The following CCSER1 variants were observed in gnomAD, a reference collection of about 807,000 sequenced individuals.
CCSER1 encodes serine-rich coiled-coil domain-containing protein 1.
Under a neutral mutation model 82.0 loss-of-function variants are expected in CCSER1, and 41 were observed. The ratio of observed to expected loss-of-function variants is 0.50; its 90% confidence interval spans 0.39 to 0.65. The LOEUF (loss-of-function observed/expected upper bound fraction) is 0.65. CCSER1 is among the 30% of genes least tolerant of loss of function. The pLI, the probability that CCSER1 is intolerant of heterozygous loss-of-function variation, is 0.00. For missense variants in CCSER1, 1,119 were observed against 1,064.2 expected, an observed-to-expected ratio of 1.05 and a Z score of -0.72; for synonymous variants, 414 against 383.9, an observed-to-expected ratio of 1.08 and a Z score of -0.92.
intron 9 of CCSER1, among the ~76,000 whole-genome samples, chr4:91,019,266 G>A (rs138160579): frequency 2.0e-5 from 3 of 151,696 alleles, no homozygotes; most frequent in African/African-American, 7.2e-5. Context: ...ATTTTGGACT[G>A]TCTCTCTCAT....
chr4:90,898,324 C>G (rs1263388097), intron 8 of CCSER1, among the ~76,000 whole-genome samples: 3 of 121,860 alleles, frequency 2.5e-5, no homozygotes, highest in Non-Finnish European at 5.1e-5. Context: ...CTCTTGTCGC[C>G]CAGGCTGGAG....
intron 5 of CCSER1, among the ~76,000 whole-genome samples, chr4:90,616,683 TCACACACACACA>T (rs56988615): frequency 0.033 from 3,998 of 120,324 alleles, 77 homozygotes; most frequent in East Asian, 0.07. Flanking sequence ...TGGCTCTGTC[TCACACACACACA>T]CACACACACA....
chr4:90,646,223 G>A (rs1208741203), intron 6 of CCSER1, among the ~76,000 whole-genome samples: 1 of 152,058 alleles, frequency 6.6e-6, no homozygotes, highest in Non-Finnish European at 1.5e-5. Flanking sequence ...AATTTTGGGG[G>A]AAAAATAATC....
Position 90,754,275 on chromosome 4 carries a change from G to A in CCSER1, c.2010+30284G>A, listed in dbSNP as rs1749156298. 2.0e-5 allele frequency among the ~76,000 whole-genome samples: 3 copies of A among 151,928 alleles called. No individual in the cohort carries two copies. In the South Asian group the frequency reaches 6.2e-4, roughly 32 times the overall value. ...GAAAACCTGTTTAATAAATATTTTT[G>A]CTAAAAAAATTATTTCATGTTGTAT... On this transcript the variant is annotated intron_variant, in intron 7 of 10. Transcript: ENST00000509176.
At chr4:90,531,863 A>T (rs1229337203) in intron 5 of CCSER1, among the ~76,000 whole-genome samples, 1 of 152,170 alleles carries the variant, frequency 6.6e-6, no homozygotes, top group East Asian at 1.9e-4. Context: ...CCAAATAAGA[A>T]ATGTCAGCAT....
At position 91,527,403 on chromosome 4, in the gene CCSER1, A is replaced by G. The variant is rs192261326; in HGVS notation, c.2218-71169A>G. Among the ~76,000 whole-genome samples the G allele has an allele frequency of 1.4e-3, 220 of 152,356 alleles. 1 individual carries two copies. The highest frequency in any genetic ancestry group is 5.1e-3 in the African/African-American group (210 of 41,582). ...GTCACTGAGCATGACCAATATGATCACATCTGTATTTGGATGAAGCAATTT... is the reference window on the plus strand; with the variant it reads ...GTCACTGAGCATGACCAATATGATCGCATCTGTATTTGGATGAAGCAATTT... On this transcript the variant is annotated intron_variant, in intron 10 of 10. Coordinates refer to ENST00000509176, the MANE Select transcript of CCSER1 (RefSeq NM_001145065.2).
chr4:91,453,881 G>A (rs1371741288), intron 10 of CCSER1, among the ~76,000 whole-genome samples: 1 of 152,004 alleles, frequency 6.6e-6, no homozygotes, highest in Non-Finnish European at 1.5e-5. Context: ...ATACACAAGT[G>A]GATGTGTGAA....
At chr4:90,293,638 T>A in intron 1 of CCSER1, among the ~76,000 whole-genome samples, 1 of 150,876 alleles carries the variant, frequency 6.6e-6, no homozygotes, top group East Asian at 1.9e-4. Flanking sequence ...TTTTTAAAGA[T>A]CTTTTCAAAG....
chr4:91,044,265 A>C (rs1488579050), intron 9 of CCSER1, among the ~76,000 whole-genome samples: 1 of 152,202 alleles, frequency 6.6e-6, no homozygotes, highest in African/African-American at 2.4e-5. Flanking sequence ...AATTGCTACA[A>C]TTCAAAGATA....
intron 1 of CCSER1, among the ~76,000 whole-genome samples, chr4:90,277,072 G>A (rs569919720): frequency 6.6e-6 from 1 of 151,816 alleles, no homozygotes; most frequent in East Asian, 1.9e-4. Context: ...TTATTTGGAT[G>A]CCTTTTTTTT....
At chr4:91,179,120 A>T (rs985746575) in intron 10 of CCSER1, among the ~76,000 whole-genome samples, 1 of 152,178 alleles carries the variant, frequency 6.6e-6, no homozygotes. Flanking sequence ...TGAATGGTGA[A>T]TATTGGCCCC....
chr4:91,042,498 TTGTA>T (rs1742052076), intron 9 of CCSER1, among the ~76,000 whole-genome samples: 2 of 152,202 alleles, frequency 1.3e-5, no homozygotes, highest in East Asian at 3.9e-4. Flanking sequence ...GTAAAATTAA[TTGTA>T]TGTCTCCTTA....
At chr4:91,552,594 C>T (rs1762206770) in intron 10 of CCSER1, among the ~76,000 whole-genome samples, 1 of 151,540 alleles carries the variant, frequency 6.6e-6, no homozygotes, top group South Asian at 2.1e-4. Flanking sequence ...AAAGGAACTA[C>T]AGTAGTTCAT....
chr4:91,261,726 TG>T, intron 10 of CCSER1, among the ~76,000 whole-genome samples: 1 of 102,610 alleles, frequency 9.7e-6, no homozygotes, highest in Non-Finnish European at 1.9e-5. Context: ...GTAACTCAAA[TG>T]AAAACAACAA....
chr4:91,416,120 C>T (rs1161360889), intron 10 of CCSER1, among the ~76,000 whole-genome samples: 5 of 151,748 alleles, frequency 3.3e-5, no homozygotes, highest in Middle Eastern at 6.8e-3. Flanking sequence ...CTGGTTCAGT[C>T]TTGGGTAGGA....
At chr4:91,227,429 T>C (rs1560529936) in intron 10 of CCSER1, among the ~76,000 whole-genome samples, 1 of 151,756 alleles carries the variant, frequency 6.6e-6, no homozygotes, top group Non-Finnish European at 1.5e-5. Context: ...TTTAATAACA[T>C]TATAATGTGT....
At chr4:91,037,449 A>C (rs1346789961) in intron 9 of CCSER1, among the ~76,000 whole-genome samples, 1 of 152,158 alleles carries the variant, frequency 6.6e-6, no homozygotes, top group East Asian at 1.9e-4. Flanking sequence ...GAGCAAATTC[A>C]ACTTTTGGGA....
At chr4:90,396,529 T>G (rs1751983981) in intron 3 of CCSER1, among the ~76,000 whole-genome samples, 1 of 152,218 alleles carries the variant, frequency 6.6e-6, no homozygotes, top group African/African-American at 2.4e-5. Flanking sequence ...CTACTCAATT[T>G]GTATTTTTTA....
intron 6 of CCSER1, among the ~76,000 whole-genome samples, chr4:90,639,713 G>A (rs1404736403): frequency 6.6e-6 from 1 of 152,054 alleles, no homozygotes; most frequent in Non-Finnish European, 1.5e-5. Context: ...AGCCTTGGAA[G>A]ACTAGAAGAG....
Sources: gnomAD v4.1 joint callset for allele counts (sites outside exome capture counted in the v4.1 genomes callset) on GRCh38, gnomAD v4.1.1 for gene constraint, MANE v1.5 for transcripts, NCBI Gene and HGNC (gene_info 2026-07-23, HGNC 2026-07-21) for gene names.